Variants in GLTPD2 observed in about 807,000 individuals in gnomAD.
GLTPD2 encodes the protein glycolipid transfer protein domain containing 2, also known as glycolipid transfer protein domain-containing protein 2.
Under a neutral mutation model 12.9 loss-of-function variants are expected in GLTPD2, and 12 were observed. The observed-to-expected ratio is 0.93, with a 90% CI of 0.59 to 1.50. The LOEUF (loss-of-function observed/expected upper bound fraction) is 1.50. Among genes scored for constraint, GLTPD2 ranks in the 40% most tolerant of loss-of-function variants. The pLI is 0.00. For synonymous variants in GLTPD2, 199 were observed against 205.6 expected (o/e 0.97, Z 0.27); for missense variants, 450 against 426.2 (o/e 1.06, Z -0.49).
Position 4,790,092 on chromosome 17 carries a change from G to A in GLTPD2, c.672G>A (p.Pro224=), listed in dbSNP as rs1333215593. The A allele has an allele frequency of 1.4e-6, 2 of 1,412,374 alleles. No individual in the cohort carries two copies. Among genetic ancestry groups the A allele is most frequent in the African/African-American group, 1.5e-5 (1 of 66,576 alleles). 87.5% of individuals were successfully genotyped at this position (1,412,374 alleles called of 1,614,324 possible). A position where few individuals can be genotyped will look rare whatever the true frequency, so the allele number is the denominator to read the frequency against. The change falls in exon 4 of 4, where the codon CCG becomes CCA. Residue 224 remains proline, a synonymous_variant. Coordinates refer to ENST00000331264, the MANE Select transcript of GLTPD2 (RefSeq NM_001014985.3). Reference sequence around the variant, plus strand: ...ACGCCTACCGTGCGGCCCTGGGTCCGCATCACCCCTGGCTGGTCCGACAGA... The same window carrying A: ...ACGCCTACCGTGCGGCCCTGGGTCCACATCACCCCTGGCTGGTCCGACAGA... ...CSDAYRAALG[P]HHPWLVRQTA...
chr17:4,790,316 G>C lies in GLTPD2; in HGVS notation c.*20G>C. ...GCCTAAGACGGCGGCTGCGGGGACC[G>C]GCGGGAACGGAGCGGACCGCCCGGG... On this transcript the variant is annotated 3_prime_UTR_variant, in exon 4 of 4. Transcript: ENST00000331264. 1 of 1,445,572 alleles carries C rather than the reference G, an allele frequency of 6.9e-7. No individual in the cohort carries two copies. The highest frequency in any genetic ancestry group is 1.4e-5 in the South Asian group (1 of 73,118). The allele number at this position is 1,445,572 out of a possible 1,614,324, so 89.5% of individuals were successfully genotyped here.
rs1917629524 is a variant in GLTPD2 at position 4,790,068 on chromosome 17, C to T, written c.648C>T (p.Asp216=). 3 of 1,407,060 alleles carry T rather than the reference C, an allele frequency of 2.1e-6. No homozygotes were observed. The highest frequency in any genetic ancestry group is 2.7e-6 in the Non-Finnish European group (3 of 1,091,168). 87.2% of individuals were successfully genotyped at this position (1,407,060 alleles called of 1,614,324 possible). A position where few individuals can be genotyped will look rare whatever the true frequency, so the allele number is the denominator to read the frequency against. Reference sequence around the variant, plus strand: ...CGGACGCGGGCGTGCAGTGCAGCGACGCCTACCGTGCGGCCCTGGGTCCGC... The same window carrying T: ...CGGACGCGGGCGTGCAGTGCAGCGATGCCTACCGTGCGGCCCTGGGTCCGC... ...GGPDAGVQCS[D]AYRAALGPHH... Residue 216 remains aspartate, a synonymous_variant, in exon 4 of 4, where the codon GAC becomes GAT. Coordinates refer to ENST00000331264, the MANE Select transcript of GLTPD2 (RefSeq NM_001014985.3).
Position 4,789,105 on chromosome 17 carries a change from G to T in GLTPD2, c.94G>T (p.Val32Phe), listed in dbSNP as rs1325954796. The T allele has an allele frequency of 1.2e-6, 2 of 1,613,974 alleles. No individual in the cohort carries two copies. Among genetic ancestry groups the T allele is most frequent in the East Asian group, 4.5e-5 (2 of 44,872 alleles). Reference protein sequence around the residue: ...IFALLLLYLSVRSLGARSGCG... With the variant: ...IFALLLLYLSFRSLGARSGCG... Reference sequence around the variant, plus strand: ...CGCGCTGCTGCTGCTTTATCTCAGTGTTCGGAGCCTAGGTGAGCTGCCCCT... The same window carrying T: ...CGCGCTGCTGCTGCTTTATCTCAGTTTTCGGAGCCTAGGTGAGCTGCCCCT... The change falls in exon 1 of 4, where the codon GTT becomes TTT. Residue 32 changes from valine to phenylalanine, a missense_variant. Coordinates refer to ENST00000331264, the MANE Select transcript of GLTPD2 (RefSeq NM_001014985.3).
chr17:4,789,193 G>C, intron 1 of GLTPD2, 33 bp from the exon 2 acceptor site: 1 of 1,603,506 alleles, frequency 6.2e-7, no homozygotes. Context: ...CCTCTTTCTC[G>C]AGCCCTCACC....
At chr17:4,789,320 G>A (rs1434956557) in intron 2 of GLTPD2, 30 bp downstream of exon 2, 3 of 1,541,460 alleles carry the variant, frequency 1.9e-6, no homozygotes, top group Non-Finnish European at 8.7e-7. Flanking sequence ...GGGCGCGGGC[G>A]CTCCAGGAGG....
rs1273134028 is a variant in GLTPD2, at chr17:4,789,366, TC to T, written c.171+78del. On this transcript the variant is annotated intron_variant, in intron 2 of 3. Transcript: ENST00000331264. ...GGGGGACGTGGAGCCAGGCTGAGGG[TC>T]CGGCAAAGGGCGGGTCCTCCCCCGG... The T allele has an allele frequency of 2.0e-6, 3 of 1,516,136 alleles. No individual in the cohort carries two copies. The African/African-American group carries it at 4.2e-5, about 21-fold the overall frequency. 93.9% of individuals were successfully genotyped at this position (1,516,136 alleles called of 1,614,324 possible).
In GLTPD2 at chr17:4,789,576, G is replaced by T. The variant is rs760203776; in HGVS notation, c.237G>T (p.Arg79=). The T allele has an allele frequency of 1.4e-5, 22 of 1,614,096 alleles. No individual in the cohort carries two copies. Among genetic ancestry groups the T allele is most frequent in the Non-Finnish European group, 1.7e-5 (20 of 1,179,980 alleles). ...ERKQPPCLGP[R]GMLGRMMRRF... is the part of the protein sequence containing the mutation. ...AACAGCCTCCGTGTCTGGGCCCTCGGGGGATGCTGGGCCGCATGATGAGGC... is the reference window on the plus strand; with the variant it reads ...AACAGCCTCCGTGTCTGGGCCCTCGTGGGATGCTGGGCCGCATGATGAGGC... Residue 79 remains arginine, a synonymous_variant, in exon 3 of 4, where the codon CGG becomes CGT. Transcript: ENST00000331264.
rs1213609433 is a variant in GLTPD2, at chr17:4,789,330, G to A, written c.171+40G>A. The A allele has an allele frequency of 3.2e-6, 5 of 1,540,636 alleles. No homozygotes were observed. The South Asian group carries it at 6.2e-5, about 19-fold the overall frequency. ...GGATTGGGCGCGGGCGCTCCAGGAG[G>A]GACCAGAACAGGGGGACGTGGAGCC... On this transcript the variant is annotated intron_variant, in intron 2 of 3. Transcript: ENST00000331264.
chr17:4,789,925 G>A lies in GLTPD2; in HGVS notation c.505G>A (p.Ala169Thr), dbSNP rs757283576. Residue 169 changes from alanine to threonine, a missense_variant, in exon 4 of 4, where the codon GCG becomes ACG. Transcript: ENST00000331264. ...GGCGGGACTGCTGGAGCAGCCGGGG[G>A]CGGCCCCCCGGGACCCGACCCGGAG... ...RRAGLLEQPG[A>T]APRDPTRSSG... The A allele has an allele frequency of 1.2e-5, 19 of 1,543,566 alleles. No homozygotes were observed. Among genetic ancestry groups the A allele is most frequent in the South Asian group, 7.2e-5 (6 of 83,834 alleles).
At chr17:4,789,377 GC>G (rs1917601985) in intron 2 of GLTPD2, 87 bp downstream of exon 2, 1 of 1,512,030 alleles carries the variant, frequency 6.6e-7, no homozygotes, top group Non-Finnish European at 9.0e-7. Flanking sequence ...CCGGCAAAGG[GC>G]GGGTCCTCCC....
Position 4,789,589 on chromosome 17 carries a change from C to T in GLTPD2, c.250C>T (p.Arg84Cys), listed in dbSNP as rs910497598. Residue 84 changes from arginine to cysteine, a missense_variant, in exon 3 of 4, where the codon CGC (arginine) becomes TGC (cysteine). Transcript: ENST00000331264. ...PCLGPRGMLG[R>C]MMRRFHASLK... ...TCTGGGCCCTCGGGGGATGCTGGGCCGCATGATGAGGCGGTTCCACGCCAG... is the reference window on the plus strand; with the variant it reads ...TCTGGGCCCTCGGGGGATGCTGGGCTGCATGATGAGGCGGTTCCACGCCAG... 1.9e-6 allele frequency: 3 copies of T among 1,614,068 alleles called. No homozygotes were observed. Among genetic ancestry groups the T allele is most frequent in the Non-Finnish European group, 2.5e-6 (3 of 1,179,986 alleles).
Position 4,789,940 on chromosome 17 carries a change from C to A in GLTPD2, c.520C>A (p.Pro174Thr), listed in dbSNP as rs893774067. ...GCAGCCGGGGGCGGCCCCCCGGGAC[C>A]CGACCCGGAGCTCGGGCTCTCGCAC... ...LEQPGAAPRD[P>T]TRSSGSRTLL... Residue 174 changes from proline to threonine, a missense_variant, in exon 4 of 4, where the codon CCG becomes ACG. Transcript: ENST00000331264. The A allele has an allele frequency of 6.5e-7, 1 of 1,540,126 alleles. No individual in the cohort carries two copies. The highest frequency in any genetic ancestry group is 1.4e-5 in the African/African-American group (1 of 72,612).
chr17:4,789,249 AG>A lies in GLTPD2; in HGVS notation c.133del (p.Ala45ArgfsTer41), dbSNP rs1917595897. On this transcript the variant is annotated frameshift_variant, in exon 2 of 4. Coordinates refer to ENST00000331264, the MANE Select transcript of GLTPD2 (RefSeq NM_001014985.3). LOFTEE classifies it high-confidence loss of function. The part of the protein sequence containing the change: ...SLGARSGCGP[R>X]AQPCVPGETA... The stretch of plus-strand genomic sequence containing the variant: ...AGGCGCCCGCTCGGGCTGCGGACCC[AG>A]GGCGCAGCCCTGCGTTCCAGGGGAA... 6.3e-7 allele frequency: 1 copy of A among 1,599,732 alleles called. No individual in the cohort carries two copies. Among genetic ancestry groups the A allele is most frequent in the African/African-American group, 1.3e-5 (1 of 74,170 alleles).
In GLTPD2 at chr17:4,789,331, G is replaced by C. The variant is rs1295028002; in HGVS notation, c.171+41G>C. 7 of 1,540,296 alleles carry C rather than the reference G, an allele frequency of 4.5e-6. No homozygotes were observed. In the South Asian group the frequency reaches 8.6e-5, roughly 19 times the overall value. The stretch of plus-strand genomic sequence containing the variant: ...GATTGGGCGCGGGCGCTCCAGGAGG[G>C]ACCAGAACAGGGGGACGTGGAGCCA... On this transcript the variant is annotated intron_variant, in intron 2 of 3. Transcript: ENST00000331264.
At position 4,789,294 on chromosome 17, in the gene GLTPD2, C is replaced by G. The variant is rs558348975; in HGVS notation, c.171+4C>G. 1.0e-5 allele frequency: 16 copies of G among 1,582,996 alleles called. No individual in the cohort carries two copies. Among genetic ancestry groups the G allele is most frequent in the Non-Finnish European group, 1.3e-5 (15 of 1,164,766 alleles). On this transcript the variant is annotated splice_donor_region_variant and intron_variant, in intron 2 of 3. Coordinates refer to ENST00000331264, the MANE Select transcript of GLTPD2 (RefSeq NM_001014985.3). Reference sequence around the variant, plus strand: ...AGGGGAAACGGCGCCCTTCCAGGTACGCTAGGCGCAGGATTGGGCGCGGGC... The same window carrying G: ...AGGGGAAACGGCGCCCTTCCAGGTAGGCTAGGCGCAGGATTGGGCGCGGGC...
At position 4,789,227 on chromosome 17, in the gene GLTPD2, C is replaced by A. The variant is rs771484607; in HGVS notation, c.108C>A (p.Gly36=). Residue 36 remains glycine (G), a splice_region_variant and synonymous_variant, in exon 2 of 4, where the codon GGC becomes GGA. Coordinates refer to ENST00000331264, the MANE Select transcript of GLTPD2 (RefSeq NM_001014985.3). ...CCGCTCCGCTTCTCCTCTACCCAGG[C>A]GCCCGCTCGGGCTGCGGACCCAGGG... is the stretch of plus-strand genomic sequence containing the variant. ...LLLYLSVRSL[G]ARSGCGPRAQ... is the part of the protein sequence containing the mutation. The A allele has an allele frequency of 6.3e-7, 1 of 1,597,510 alleles. No individual in the cohort carries two copies. Among genetic ancestry groups the A allele is most frequent in the East Asian group, 2.2e-5 (1 of 44,524 alleles).
Position 4,789,888 on chromosome 17 carries a change from G to A in GLTPD2, c.468G>A (p.Ala156=), listed in dbSNP as rs1301425559. The A allele has an allele frequency of 3.2e-6, 5 of 1,570,400 alleles. No individual in the cohort carries two copies. The East Asian group carries it at 1.2e-4, about 37-fold the overall frequency. Residue 156 remains alanine, a synonymous_variant, in exon 4 of 4, where the codon GCG becomes GCA. Transcript: ENST00000331264. ...ACTGGTCGCTGGTGGCCATGGCGGC[G>A]TGGGAGCGGAGGGCGGGACTGCTGG... ...EHYWSLVAMA[A]WERRAGLLEQ...
At chr17:4,789,177 C>T in intron 1 of GLTPD2, 49 bp from the exon 2 acceptor site, 2 of 1,604,552 alleles carry the variant, frequency 1.2e-6, no homozygotes, top group South Asian at 1.1e-5. Context: ...GCCCTCACGA[C>T]TCAAGCCTCT....
In GLTPD2 at chr17:4,789,986, C is replaced by T; in HGVS notation, c.566C>T (p.Ala189Val). 1 of 1,517,222 alleles carries T rather than the reference C, an allele frequency of 6.6e-7. No individual in the cohort carries two copies. The highest frequency in any genetic ancestry group is 8.8e-7 in the Non-Finnish European group (1 of 1,139,002). 94.0% of individuals were successfully genotyped at this position (1,517,222 alleles called of 1,614,324 possible). A position where few individuals can be genotyped will look rare whatever the true frequency, so the allele number is the denominator to read the frequency against. The change falls in exon 4 of 4, where the codon GCG becomes GTG. Residue 189 changes from alanine to valine, a missense_variant. By Grantham distance (64) the Ala-to-Val change is moderately conservative. Transcript: ENST00000331264. ...CGCACGCTGCTCCTGCTGCACCGCG[C>T]GCTGCGCTGGTCCCAGCTCTGCCTC... is the stretch of plus-strand genomic sequence containing the variant. ...GSRTLLLLHR[A>V]LRWSQLCLHR...
Sources: allele counts gnomAD v4.1 joint callset, GRCh38; gene constraint gnomAD v4.1.1; transcripts MANE v1.5; gene names NCBI Gene and HGNC (gene_info 2026-07-23, HGNC 2026-07-21).